Variants in UBR3 observed in about 807,000 individuals in gnomAD.
The protein encoded by UBR3 is E3 ubiquitin-protein ligase UBR3.
A neutral mutation model predicts 243.2 loss-of-function variants in UBR3; 85 were observed. The observed-to-expected ratio is 0.35, with a 90% CI of 0.29 to 0.42. UBR3 has a LOEUF of 0.42. Among genes scored for constraint, UBR3 ranks in the 10% least tolerant of loss-of-function variants. UBR3 has a pLI of 1.00. For synonymous variants in UBR3, 748 were observed against 799.8 expected, an observed-to-expected ratio of 0.94 and a Z score of 1.09; for missense variants, 1,686 against 2,300.8, an observed-to-expected ratio of 0.73 and a Z score of 5.47.
intron 2 of UBR3, among the ~76,000 whole-genome samples, chr2:169,872,902 T>C (rs937192380): frequency 1.3e-5 from 2 of 152,102 alleles, no homozygotes; most frequent in Non-Finnish European, 2.9e-5. Context: ...AAAGAGAAAA[T>C]TACAGATGTT....
At chr2:169,919,322 G>A (rs2085596053) in intron 11 of UBR3, among the ~76,000 whole-genome samples, 1 of 152,178 alleles carries the variant, frequency 6.6e-6, no homozygotes, top group African/African-American at 2.4e-5. Context: ...GCAGCATATA[G>A]AGGGTAATAG....
rs1331772537 is a variant in UBR3 at position 169,878,560 on chromosome 2, G to T, written c.1024G>T (p.Asp342Tyr). Residue 342 changes from aspartate to tyrosine, a missense_variant, in exon 5 of 39, where the codon GAT becomes TAT. By Grantham distance (160) the Asp-to-Tyr change is radical. This residue lies in a region of UBR3 where 200 missense variants were observed against 231.6 expected (regional missense o/e 0.86). Coordinates refer to ENST00000272793, the MANE Select transcript of UBR3 (RefSeq NM_172070.4). Reference protein sequence around the residue: ...IGATGTLGQVDSSDEDDQDGS... With the variant: ...IGATGTLGQVYSSDEDDQDGS... ...CGCAACAGGAACTTTGGGACAAGTG[G>T]ATTCTTCAGATGAGGTGAGATTTAA... 1.9e-6 allele frequency: 3 copies of T among 1,551,032 alleles called. No individual in the cohort carries two copies. The highest frequency in any genetic ancestry group is 2.6e-6 in the Non-Finnish European group (3 of 1,146,658).
chr2:169,832,910 G>A (rs113809609), intron 1 of UBR3, among the ~76,000 whole-genome samples: 6,530 of 152,022 alleles, frequency 0.043, 162 homozygotes, highest in Middle Eastern at 0.068. Flanking sequence ...TCCAGCCTGG[G>A]CAACAAGAGT....
chr2:169,933,171 T>C (rs1455099108), intron 19 of UBR3, among the ~76,000 whole-genome samples, 163 bp downstream of exon 19: 1 of 152,246 alleles, frequency 6.6e-6, no homozygotes, highest in Non-Finnish European at 1.5e-5. Context: ...TGGAGATTTA[T>C]GTTAAGATCT....
intron 30 of UBR3, among the ~76,000 whole-genome samples, chr2:170,028,764 C>T (rs1366241969): frequency 6.6e-6 from 1 of 150,498 alleles, no homozygotes; most frequent in Non-Finnish European, 1.5e-5. Flanking sequence ...TGTTGAAAGC[C>T]AAGATTGGTA....
At chr2:169,846,509 A>C (rs1318654728) in intron 1 of UBR3, among the ~76,000 whole-genome samples, 1 of 152,116 alleles carries the variant, frequency 6.6e-6, no homozygotes, top group African/African-American at 2.4e-5. Flanking sequence ...CAGGAGTTCG[A>C]GACCAGCCTG....
intron 36 of UBR3, among the ~76,000 whole-genome samples, chr2:170,074,466 T>C (rs2091764475): frequency 1.3e-5 from 2 of 152,148 alleles, no homozygotes; most frequent in Non-Finnish European, 2.9e-5. Flanking sequence ...ACTCCTTGCA[T>C]GGCACTCAAG....
intron 1 of UBR3, among the ~76,000 whole-genome samples, chr2:169,859,645 C>G (rs1326393691): frequency 6.6e-6 from 1 of 151,894 alleles, no homozygotes; most frequent in East Asian, 1.9e-4. Flanking sequence ...TCTGTTTTTT[C>G]TAGTGTCATT....
chr2:169,973,669 C>G (rs1450788299), intron 24 of UBR3, among the ~76,000 whole-genome samples: 2 of 152,144 alleles, frequency 1.3e-5, no homozygotes, highest in Non-Finnish European at 2.9e-5. Context: ...TGACTTCCTC[C>G]TTTTCCATTT....
chr2:169,890,567 G>GTATATATATATATTTATATATATATGTA (rs1314543784), intron 5 of UBR3, among the ~76,000 whole-genome samples: 1 of 59,560 alleles, frequency 1.7e-5, no homozygotes, highest in African/African-American at 7.7e-5. Flanking sequence ...ATATATATGT[G>GTATATATATATATTTATATATATATGTA]TATATATATA....
intron 8 of UBR3, among the ~76,000 whole-genome samples, chr2:169,903,358 A>G (rs1200548782): frequency 1.3e-5 from 2 of 152,244 alleles, no homozygotes; most frequent in East Asian, 3.8e-4. Flanking sequence ...TTAACTTAAA[A>G]AAAATCCCAA....
At chr2:170,013,606 A>G (rs1425375655) in intron 29 of UBR3, among the ~76,000 whole-genome samples, 1 of 152,094 alleles carries the variant, frequency 6.6e-6, no homozygotes, top group Non-Finnish European at 1.5e-5. Context: ...AATTCTTTAC[A>G]ATGAAATTCT....
Position 169,890,536 on chromosome 2 carries a change from G to GATATATATATATATAT in UBR3, c.1039-628_1039-627insTATATATATATATATA, listed in dbSNP as rs1396382870. ...GCGAGGTTTTTCTAGGAGAGAGAGA[G>GATATATATATATATAT]AGAGATATATATATATATATATATA... On this transcript the variant is annotated intron_variant, in intron 5 of 38. Transcript: ENST00000272793. 8.4e-4 allele frequency among the ~76,000 whole-genome samples: 45 copies of GATATATATATATATAT among 53,602 alleles called. 3 individuals carry two copies. The highest frequency in any genetic ancestry group is 1.4e-3 in the African/African-American group (17 of 11,864). The allele number at this position is 53,602 out of a possible 152,430, so 35.2% of individuals were successfully genotyped here.
chr2:169,965,829 A>G (rs1290569668), intron 24 of UBR3, among the ~76,000 whole-genome samples: 3 of 152,212 alleles, frequency 2.0e-5, no homozygotes, highest in Admixed American at 6.5e-5. Flanking sequence ...AACTGAAACC[A>G]TGGAAAGTGA....
chr2:169,997,828 G>C (rs1253424297), intron 26 of UBR3, among the ~76,000 whole-genome samples: 2 of 152,130 alleles, frequency 1.3e-5, no homozygotes, highest in East Asian at 1.9e-4. Flanking sequence ...CATGGTCTCA[G>C]AATGGGGGAG....
intron 10 of UBR3, among the ~76,000 whole-genome samples, chr2:169,910,261 A>G (rs2085200167): frequency 6.6e-6 from 1 of 152,160 alleles, no homozygotes. Flanking sequence ...CGAAGAAAGA[A>G]CTGACATTTA....
rs1186292593 is a variant in UBR3 at position 169,872,271 on chromosome 2, A to G, written c.581A>G (p.Asn194Ser). The G allele has an allele frequency of 4.6e-6, 7 of 1,534,274 alleles. No homozygotes were observed. In the Admixed American group the frequency reaches 1.2e-4, roughly 27 times the overall value. ...AGGCATCAAATTAAATCAAGTTCAA[A>G]TATTCCCTGTGTCCCTAAAGACTTA... Reference protein sequence around the residue: ...CKRHQIKSSSNIPCVPKDLLM... With the variant: ...CKRHQIKSSSSIPCVPKDLLM... Residue 194 changes from asparagine (N) to serine (S), a missense_variant, in exon 2 of 39, where the codon AAT becomes AGT. Asn to Ser is a conservative substitution (Grantham distance 46, BLOSUM62 1). Coordinates refer to ENST00000272793, the MANE Select transcript of UBR3 (RefSeq NM_172070.4).
rs768365290 is a variant in UBR3, at chr2:170,007,116, C to T, written c.4156C>T (p.Arg1386Cys). The stretch of plus-strand genomic sequence containing the variant: ...CAATGTGGAAAATAACCCTTGGCAA[C>T]GTCCTAGCAACAAAAGCATACAAGA... ...GSNVENNPWQ[R>C]PSNKSIQDLI... The change falls in exon 28 of 39, where the codon CGT (arginine) becomes TGT (cysteine). Residue 1386 changes from arginine to cysteine, a missense_variant. Coordinates refer to ENST00000272793, the MANE Select transcript of UBR3 (RefSeq NM_172070.4). The T allele has an allele frequency of 2.2e-5, 35 of 1,613,310 alleles. No individual in the cohort carries two copies. The highest frequency in any genetic ancestry group is 7.7e-5 in the South Asian group (7 of 90,954).
chr2:170,070,774 C>T (rs998607824), intron 35 of UBR3, among the ~76,000 whole-genome samples: 2 of 152,064 alleles, frequency 1.3e-5, no homozygotes, highest in African/African-American at 2.4e-5. Context: ...GCAAGGCTTG[C>T]ACAATTTCAT....
Sources: allele counts gnomAD v4.1 joint callset (sites outside exome capture counted in the v4.1 genomes callset), GRCh38; gene constraint gnomAD v4.1.1; regional missense constraint gnomAD v4.1.1; transcripts MANE v1.5; gene names NCBI Gene and HGNC (gene_info 2026-07-23, HGNC 2026-07-21).